Variants in TNRC6B observed in about 807,000 individuals in gnomAD.
The protein encoded by TNRC6B is trinucleotide repeat-containing gene 6B protein.
In TNRC6B, 52 loss-of-function variants were observed where a neutral mutation model predicts 203.6. The ratio of observed to expected loss-of-function variants is 0.26; its 90% CI spans 0.20 to 0.32. The LOEUF is 0.32. Ranked by LOEUF, TNRC6B falls within the 10% of genes least tolerant of loss-of-function variation. The pLI, the probability that TNRC6B is intolerant of heterozygous loss-of-function variation, is 1.00. For missense variants in TNRC6B, 1,923 were observed against 2,286.2 expected, an observed-to-expected ratio of 0.84 and a Z score of 3.24; for synonymous variants, 838 against 845.7, an observed-to-expected ratio of 0.99 and a Z score of 0.16.
At chr22:40,190,747 C>T (rs146553907) in intron 1 of TNRC6B, among the ~76,000 whole-genome samples, 1,882 of 152,220 alleles carry the variant, frequency 0.012, 42 homozygotes, top group African/African-American at 0.043. Context: ...TTCTCCTTTT[C>T]GAAGAGTGCT....
intron 19 of TNRC6B, among the ~76,000 whole-genome samples, chr22:40,314,171 G>C (rs781081021): frequency 4.6e-5 from 7 of 152,082 alleles, no homozygotes; most frequent in Admixed American, 1.3e-4. Flanking sequence ...GTCTAAAACT[G>C]AACCTATACT....
In TNRC6B at chr22:40,322,165, G is replaced by A. The variant is rs959687457; in HGVS notation, c.5115-689G>A. On this transcript the variant is annotated intron_variant, in intron 22 of 22. Transcript: ENST00000454349. Reference sequence around the variant, plus strand: ...CTCATAACTCACATGGGGAAAGAAAGAGACCATATTTTTCTTTCCTTTTTA... The same window carrying A: ...CTCATAACTCACATGGGGAAAGAAAAAGACCATATTTTTCTTTCCTTTTTA... Among the ~76,000 whole-genome samples the A allele has an allele frequency of 6.6e-5, 10 of 152,214 alleles. 1 individual carries two copies. Among genetic ancestry groups the A allele is most frequent in the Admixed American group, 6.5e-4 (10 of 15,284 alleles).
intron 1 of TNRC6B, among the ~76,000 whole-genome samples, chr22:40,242,181 T>A (rs1401748606): frequency 1.7e-5 from 1 of 59,124 alleles, no homozygotes. Flanking sequence ...GGAATAAGAG[T>A]GTGTGTGTGT....
chr22:40,150,377 C>CA (rs551870946), intron 3 of TNRC6B, among the ~76,000 whole-genome samples: 3 of 151,840 alleles, frequency 2.0e-5, no homozygotes, highest in Non-Finnish European at 2.9e-5. Flanking sequence ...GACTCCATCT[C>CA]AAAAAAATAT....
chr22:40,329,304 G>T lies in TNRC6B; in HGVS notation c.*6063G>T, dbSNP rs536514433. 6.6e-6 allele frequency: 1 copy of T among 152,334 alleles called. No homozygotes were observed. The highest frequency in any genetic ancestry group is 2.1e-4 in the South Asian group (1 of 4,828). The allele number at this position is 152,334 out of a possible 1,614,324, so 9.4% of individuals were successfully genotyped here. A position where few individuals can be genotyped will look rare whatever the true frequency, so the allele number is the denominator to read the frequency against. On this transcript the variant is annotated 3_prime_UTR_variant, in exon 23 of 23. Coordinates refer to ENST00000454349, the MANE Select transcript of TNRC6B (RefSeq NM_001162501.2). ...ATGCTATTGAGGACATTGTCATTCT[G>T]TAAGAAAACAGAATATTATCTAGAT...
chr22:40,171,315 C>T (rs968656168), intron 4 of TNRC6B, among the ~76,000 whole-genome samples: 1 of 151,824 alleles, frequency 6.6e-6, no homozygotes, highest in African/African-American at 2.4e-5. Flanking sequence ...GTGCATGCTA[C>T]CACACCCGGC....
chr22:40,092,362 A>C (rs924880879), intron 1 of TNRC6B, among the ~76,000 whole-genome samples: 8 of 151,772 alleles, frequency 5.3e-5, no homozygotes, highest in Admixed American at 1.3e-4. Flanking sequence ...GAGATCTACC[A>C]CTGCACTCCA....
intron 1 of TNRC6B, among the ~76,000 whole-genome samples, chr22:40,237,769 C>T (rs902544450): frequency 2.6e-5 from 4 of 152,084 alleles, no homozygotes; most frequent in African/African-American, 9.7e-5. Flanking sequence ...CACAGATGCC[C>T]GCTACGGACG....
chr22:40,082,532 G>A (rs1038236244), intron 1 of TNRC6B, among the ~76,000 whole-genome samples: 56 of 152,264 alleles, frequency 3.7e-4, no homozygotes, highest in Admixed American at 3.5e-3. Flanking sequence ...AAAAAGAACG[G>A]GTTCAGGTTT....
chr22:40,152,201 C>T lies in TNRC6B; in HGVS notation c.46-3914C>T, dbSNP rs1158945617. Among the ~76,000 whole-genome samples the T allele has an allele frequency of 2.0e-5, 3 of 152,196 alleles. No homozygotes were observed. The East Asian group carries it at 5.8e-4, about 29-fold the overall frequency. Reference sequence around the variant, plus strand: ...AGGACTTAAATGTTTCTAGAGAAGACACATGCAATACACTAGGACTTAGAA... The same window carrying T: ...AGGACTTAAATGTTTCTAGAGAAGATACATGCAATACACTAGGACTTAGAA... On this transcript the variant is annotated intron_variant, in intron 3 of 23. Transcript: ENST00000301923.
At position 40,262,073 on chromosome 22, in the gene TNRC6B, G is replaced by A; in HGVS notation, c.357G>A (p.Gly119=). The change falls in exon 4 of 23, where the codon GGG becomes GGA. Residue 119 remains glycine, a synonymous_variant. Transcript: ENST00000454349. ...CTCCACCGTCCTGCATGCTCCTTGG[G>A]GGTGGGGCAGGGCCTCCTCCCTGCA... ...QPPPPSCMLL[G]GGAGPPPCTA... 1.3e-6 allele frequency: 2 copies of A among 1,579,128 alleles called. No homozygotes were observed. The highest frequency in any genetic ancestry group is 1.7e-6 in the Non-Finnish European group (2 of 1,155,310).
intron 3 of TNRC6B, among the ~76,000 whole-genome samples, chr22:40,149,841 C>G (rs939531851): frequency 1.3e-5 from 2 of 151,924 alleles, no homozygotes; most frequent in Non-Finnish European, 2.9e-5. Context: ...CTTTGTCACC[C>G]AGGCTGAAGT....
chr22:40,303,746 C>T (rs1444593306), intron 15 of TNRC6B, among the ~76,000 whole-genome samples: 3 of 152,032 alleles, frequency 2.0e-5, no homozygotes, highest in Non-Finnish European at 4.4e-5. Context: ...CCCGTCTCTA[C>T]TAAAAATACA....
At chr22:40,203,627 G>A (rs8137636) in intron 1 of TNRC6B, among the ~76,000 whole-genome samples, 102,924 of 151,578 alleles carry the variant, frequency 0.68, 36,780 homozygotes, top group African/African-American at 0.9. Context: ...TTAAAATGAA[G>A]TTTTGAGACC....
chr22:40,244,413 T>G lies in TNRC6B; in HGVS notation c.6-1602T>G, dbSNP rs181708160. Among the ~76,000 whole-genome samples the G allele has an allele frequency of 6.6e-5, 10 of 152,340 alleles. No individual in the cohort carries two copies. The East Asian group carries it at 1.9e-3, about 29-fold the overall frequency. ...GGTGCAGAAGGAGAAAGGCTAATAT[T>G]TGAATGCAGACAAAGTCAGTGACAA... On this transcript the variant is annotated intron_variant, in intron 1 of 22. Coordinates refer to ENST00000454349, the MANE Select transcript of TNRC6B (RefSeq NM_001162501.2).
At chr22:40,060,149 T>C (rs1177600345) in intron 1 of TNRC6B, among the ~76,000 whole-genome samples, 1 of 150,892 alleles carries the variant, frequency 6.6e-6, no homozygotes, top group Non-Finnish European at 1.5e-5. Context: ...TTTTTCTTTT[T>C]TTTTTTTTTT....
chr22:40,062,346 G>T (rs902397781), intron 1 of TNRC6B, among the ~76,000 whole-genome samples: 1 of 151,822 alleles, frequency 6.6e-6, no homozygotes, highest in Non-Finnish European at 1.5e-5. Flanking sequence ...GATTACAGAC[G>T]TCCACCACCA....
chr22:40,155,193 C>T (rs1278941202), intron 3 of TNRC6B, among the ~76,000 whole-genome samples: 1 of 151,906 alleles, frequency 6.6e-6, no homozygotes, highest in Non-Finnish European at 1.5e-5. Flanking sequence ...TGTATATGTG[C>T]AAAAGCTTCT....
chr22:40,246,865 T>G (rs1455906980), intron 2 of TNRC6B, among the ~76,000 whole-genome samples: 1 of 152,092 alleles, frequency 6.6e-6, no homozygotes, highest in Non-Finnish European at 1.5e-5. Flanking sequence ...AAGGATCTAG[T>G]GAGCCCACGT....
Sources: gnomAD v4.1 joint callset for allele counts (sites outside exome capture counted in the v4.1 genomes callset) on GRCh38, gnomAD v4.1.1 for gene constraint, MANE v1.5 for transcripts, NCBI Gene and HGNC (gene_info 2026-07-23, HGNC 2026-07-21) for gene names.